CSMD1: variants seen among roughly 807,000 people sequenced by gnomAD.
CSMD1 encodes the protein CUB and sushi domain-containing protein 1.
In CSMD1, 213 loss-of-function variants were observed where a neutral mutation model predicts 417.5. That is an observed-to-expected ratio of 0.51 (90% CI 0.46 to 0.57). CSMD1 has a LOEUF of 0.57. Among genes scored for constraint, CSMD1 ranks in the 20% least tolerant of loss-of-function variants. CSMD1 has a pLI of 0.00. For missense variants in CSMD1, 6,923 were observed against 4,529.7 expected (o/e 1.53, Z -15.17); for synonymous variants, 2,862 against 1,736.8 (o/e 1.65, Z -16.11).
At chr8:4,795,943 T>C (rs1460022610) in intron 1 of CSMD1, among the ~76,000 whole-genome samples, 1 of 152,176 alleles carries the variant, frequency 6.6e-6, no homozygotes, top group Non-Finnish European at 1.5e-5. Context: ...TTTTAAGCCA[T>C]CACTACTTGA....
At chr8:4,020,834 C>T (rs929686525) in intron 4 of CSMD1, among the ~76,000 whole-genome samples, 2 of 152,180 alleles carry the variant, frequency 1.3e-5, no homozygotes, top group African/African-American at 4.8e-5. Context: ...AGTTAGCTCA[C>T]TCTTATCTTT....
At chr8:4,701,988 C>T (rs964330968) in intron 1 of CSMD1, among the ~76,000 whole-genome samples, 2 of 152,144 alleles carry the variant, frequency 1.3e-5, no homozygotes, top group African/African-American at 4.8e-5. Context: ...AGCCATTATC[C>T]TCAGCAAACT....
intron 1 of CSMD1, chr8:4,787,224 G>A (rs891225762): frequency 1.3e-4 from 65 of 489,686 alleles, no homozygotes; most frequent in African/African-American, 1.2e-3. Flanking sequence ...GGGCGCGCCT[G>A]GGGGCCGCGC....
In CSMD1 at chr8:4,036,937, C is replaced by G. The variant is rs929955999; in HGVS notation, c.416-4838G>C. On this transcript the variant is annotated intron_variant, in intron 3 of 69. Transcript: ENST00000635120. Reference sequence around the variant, plus strand: ...GGCTCATTGGCATGTGCCCTGGATCCTAGTATGGGTGAGTGTGGGGTGTGT... The same window carrying G: ...GGCTCATTGGCATGTGCCCTGGATCGTAGTATGGGTGAGTGTGGGGTGTGT... Among the ~76,000 whole-genome samples the G allele has an allele frequency of 2.0e-5, 3 of 149,884 alleles. No homozygotes were observed. The East Asian group carries it at 6.1e-4, about 30-fold the overall frequency.
At chr8:3,976,087 C>G (rs1201958230) in intron 5 of CSMD1, among the ~76,000 whole-genome samples, 1 of 151,368 alleles carries the variant, frequency 6.6e-6, no homozygotes, top group Non-Finnish European at 1.5e-5. Context: ...GGGGGGGTCA[C>G]GAACTTGTAA....
At chr8:4,450,730 A>G (rs965660263) in intron 2 of CSMD1, among the ~76,000 whole-genome samples, 7 of 152,216 alleles carry the variant, frequency 4.6e-5, no homozygotes, top group East Asian at 3.9e-4. Flanking sequence ...CAAACATTTA[A>G]CAGAATAGCA....
intron 5 of CSMD1, among the ~76,000 whole-genome samples, chr8:3,931,130 A>G (rs531155085): frequency 7.3e-5 from 11 of 150,728 alleles, no homozygotes; most frequent in South Asian, 6.5e-4. Context: ...TTGCAGGGTA[A>G]CCATAGATAA....
intron 1 of CSMD1, among the ~76,000 whole-genome samples, chr8:4,865,952 T>A (rs1992199): frequency 1 from 151,060 of 151,710 alleles, 75,213 homozygotes; most frequent in East Asian, 1. Context: ...GAAAATTTTT[T>A]AAAAATATAT....
At chr8:3,021,963 TGGAATGCACCTGCAATCCCACAGCATCA>T (rs1563247463) in intron 51 of CSMD1, among the ~76,000 whole-genome samples, 150 of 113,144 alleles carry the variant, frequency 1.3e-3, no homozygotes, top group African/African-American at 4.7e-3. Context: ...CCACAGCATC[TGGAATGCACCTGCAATCCCACAGCATCA>T]GGAATGCACC....
intron 6 of CSMD1, among the ~76,000 whole-genome samples, chr8:3,744,613 G>A (rs915512430): frequency 6.6e-6 from 1 of 152,204 alleles, no homozygotes; most frequent in Non-Finnish European, 1.5e-5. Flanking sequence ...AGCTTAACAT[G>A]TGCAGTGTAC....
chr8:3,048,761 C>A (rs760216046), intron 50 of CSMD1, among the ~76,000 whole-genome samples: 1 of 151,312 alleles, frequency 6.6e-6, no homozygotes, highest in East Asian at 1.9e-4. Context: ...AAGTCCTCAG[C>A]TCTGCAGAAG....
At chr8:4,226,067 GACACAC>G (rs67767005) in intron 3 of CSMD1, among the ~76,000 whole-genome samples, 26,079 of 143,402 alleles carry the variant, frequency 0.18, 2,334 homozygotes, top group East Asian at 0.23. Flanking sequence ...CTGACAGGCG[GACACAC>G]ACACACACAC....
intron 3 of CSMD1, among the ~76,000 whole-genome samples, chr8:4,255,283 T>G (rs1232803852): frequency 2.6e-5 from 4 of 152,178 alleles, no homozygotes; most frequent in Non-Finnish European, 5.9e-5. Context: ...TACTCTTCAT[T>G]TATCAAAGAC....
chr8:3,568,901 A>C (rs1799830325), intron 10 of CSMD1, among the ~76,000 whole-genome samples: 1 of 152,126 alleles, frequency 6.6e-6, no homozygotes, highest in Non-Finnish European at 1.5e-5. Context: ...TTTCCAATGA[A>C]GACCCCAGGG....
At chr8:4,639,184 C>A (rs1438264187) in intron 1 of CSMD1, among the ~76,000 whole-genome samples, 4 of 152,124 alleles carry the variant, frequency 2.6e-5, no homozygotes, top group Non-Finnish European at 4.4e-5. Context: ...TCAGCCCTTC[C>A]CCTTCCCAAG....
chr8:4,582,711 G>T (rs1246955700), intron 2 of CSMD1, among the ~76,000 whole-genome samples: 2 of 152,224 alleles, frequency 1.3e-5, no homozygotes, highest in Admixed American at 6.5e-5. Context: ...CCTCTGCCTG[G>T]GCTCCCACTT....
chr8:4,564,835 G>C (rs779416395), intron 2 of CSMD1, among the ~76,000 whole-genome samples: 8 of 152,156 alleles, frequency 5.3e-5, no homozygotes, highest in Non-Finnish European at 8.8e-5. Flanking sequence ...TGTGGGATGC[G>C]TCCAGCATTT....
chr8:4,472,397 G>A (rs1800586746), intron 2 of CSMD1, among the ~76,000 whole-genome samples: 1 of 151,944 alleles, frequency 6.6e-6, no homozygotes, highest in Non-Finnish European at 1.5e-5. Flanking sequence ...CTTCACTGTA[G>A]TCTCTTAATA....
chr8:4,335,705 T>C (rs1800125509), intron 3 of CSMD1, among the ~76,000 whole-genome samples: 2 of 152,070 alleles, frequency 1.3e-5, no homozygotes, highest in Non-Finnish European at 2.9e-5. Context: ...ATATAGTGTT[T>C]CTCAAAAATA....
Sources: gnomAD v4.1 joint callset for allele counts (sites outside exome capture counted in the v4.1 genomes callset) on GRCh38, gnomAD v4.1.1 for gene constraint, MANE v1.5 for transcripts, NCBI Gene and HGNC (gene_info 2026-07-23, HGNC 2026-07-21) for gene names.